Variants in LIPE observed in about 807,000 individuals in gnomAD.
The protein encoded by LIPE is hormone-sensitive lipase.
LIPE carries 66 observed loss-of-function variants against 88.5 expected under a neutral mutation model. That is an observed-to-expected ratio of 0.75 (90% CI 0.61 to 0.91). LIPE has a LOEUF of 0.91. LIPE is among the 40% of genes least tolerant of loss of function. The pLI, the probability that LIPE is intolerant of heterozygous loss-of-function variation, is 0.00. For missense variants in LIPE, 1,346 were observed against 1,434.7 expected (o/e 0.94, Z 1.00); for synonymous variants, 570 against 617.5 (o/e 0.92, Z 1.14).
chr19:42,403,027 C>T lies in LIPE; in HGVS notation c.2547G>A (p.Pro849=), dbSNP rs188642115. The T allele has an allele frequency of 6.5e-6, 10 of 1,549,738 alleles. No individual in the cohort carries two copies. Among genetic ancestry groups the T allele is most frequent in the Non-Finnish European group, 8.7e-6 (10 of 1,148,948 alleles). The change falls in exon 9 of 10, where the codon CCG becomes CCA. Residue 849 remains proline (P), a synonymous_variant. Coordinates refer to ENST00000244289, the MANE Select transcript of LIPE (RefSeq NM_005357.4). ...CTGCTTCAGACACACTGCGGCGCAT[C>T]GGCTCTGAGAGAGGGAGAGCAGATA... ...SQKMSEPIAE[P]MRRSVSEAAL... is the part of the protein sequence containing the mutation.
chr19:42,411,295 C>T (rs1280007029), intron 1 of LIPE: 2 of 984,900 alleles, frequency 2.0e-6, no homozygotes, highest in Admixed American at 1.2e-4. Flanking sequence ...GGCTGCCGGT[C>T]CTTCTTTCTT....
At chr19:42,416,504 G>A (rs2040490705) in intron 1 of LIPE, among the ~76,000 whole-genome samples, 1 of 152,248 alleles carries the variant, frequency 6.6e-6, no homozygotes, top group African/African-American at 2.4e-5. Context: ...TGCCATCCAG[G>A]ACTTTCCTAG....
In LIPE at chr19:42,407,285, C is replaced by A. The variant is rs1434397516; in HGVS notation, c.2026G>T (p.Ala676Ser). The change falls in exon 6 of 10, where the codon GCC (alanine) becomes TCC (serine). Residue 676 changes from alanine (A) to serine (S), a missense_variant. By Grantham distance (99) the Ala-to-Ser change is moderately conservative (BLOSUM62 1). Transcript: ENST00000244289. This position sits in a 1 kb window ranked among gnomAD's most constrained non-coding sequence, Gnocchi z 5.8. ...GAGTAGTCGATGGAGATGATGGGGG[C>A]GCCCAGCTCCTGGGCCCAGCTCTTG... ...YLKSWAQELGAPIISIDYSLA... is the reference protein window; with the variant it reads ...YLKSWAQELGSPIISIDYSLA... 3.7e-6 allele frequency: 6 copies of A among 1,608,352 alleles called. No homozygotes were observed. Among genetic ancestry groups the A allele is most frequent in the Non-Finnish European group, 4.2e-6 (5 of 1,177,660 alleles).
rs2040359907 is a variant in LIPE at position 42,410,985 on chromosome 19, A to C, written c.884-143T>G. On this transcript the variant is annotated intron_variant, in intron 1 of 9. Coordinates refer to ENST00000244289, the MANE Select transcript of LIPE (RefSeq NM_005357.4). This position sits in a 1 kb window ranked among gnomAD's most constrained non-coding sequence, Gnocchi z 6.1. ...TTCAGTTCCAGGGGCCCAGGACCCC[A>C]GGTTCCTCCTCCCTTAGACATAAGA... The C allele has an allele frequency of 1.2e-6, 1 of 843,190 alleles. No homozygotes were observed. The highest frequency in any genetic ancestry group is 2.5e-5 in the East Asian group (1 of 39,390). 52.2% of individuals were successfully genotyped at this position (843,190 alleles called of 1,614,324 possible).
chr19:42,426,914 TG>T lies in LIPE; in HGVS notation c.235del (p.Gln79LysfsTer41), dbSNP rs770707778. 5.0e-6 allele frequency: 8 copies of T among 1,614,028 alleles called. No homozygotes were observed. Among genetic ancestry groups the T allele is most frequent in the Non-Finnish European group, 6.8e-6 (8 of 1,180,026 alleles). On this transcript the variant is annotated frameshift_variant, in exon 1 of 10. Transcript: ENST00000244289. LOFTEE classifies it high-confidence loss of function. ...AESQKEPRAQ[Q>X]KSASQEEFLA... ...AAATTCCTCTTGTGAAGCAGATTTT[TG>T]TTGGGCTCTAGGTTCCTTCTGGGAT...
At chr19:42,416,170 C>T (rs759589038) in intron 1 of LIPE, among the ~76,000 whole-genome samples, 1 of 151,974 alleles carries the variant, frequency 6.6e-6, no homozygotes, top group Admixed American at 6.5e-5. Flanking sequence ...TGGAGAAACC[C>T]CATCTCAACT....
intron 8 of LIPE, 21 bp downstream of exon 8, chr19:42,405,364 T>A (rs1333422258): frequency 1.2e-6 from 2 of 1,609,704 alleles, no homozygotes; most frequent in Admixed American, 3.3e-5. Flanking sequence ...GCTGGGCATG[T>A]GACGGGAGTG....
Position 42,408,369 on chromosome 19 carries a change from G to A in LIPE, c.1420-47C>T. The A allele has an allele frequency of 9.3e-6, 14 of 1,505,614 alleles. No homozygotes were observed. Among genetic ancestry groups the A allele is most frequent in the Non-Finnish European group, 1.3e-5 (14 of 1,082,066 alleles). 93.3% of individuals were successfully genotyped at this position (1,505,614 alleles called of 1,614,324 possible). ...TCACCCACCGCTCAAGAGAGGGATG[G>A]GGACAGGGCAGGAGCGAGGCACAGG... On this transcript the variant is annotated intron_variant, in intron 2 of 9. Coordinates refer to ENST00000244289, the MANE Select transcript of LIPE (RefSeq NM_005357.4). This position sits in a 1 kb window ranked among gnomAD's most constrained non-coding sequence, Gnocchi z 4.3.
intron 1 of LIPE, among the ~76,000 whole-genome samples, chr19:42,411,528 C>T (rs2147631796): frequency 6.6e-6 from 1 of 152,330 alleles, no homozygotes; most frequent in Admixed American, 6.5e-5. Flanking sequence ...CCAGCCCTCC[C>T]ATTCCCATCT....
intron 9 of LIPE, 94 bp from the exon 10 acceptor site, chr19:42,402,169 C>A (rs1318110941): frequency 1.6e-6 from 2 of 1,219,906 alleles, no homozygotes; most frequent in African/African-American, 1.6e-5. Context: ...ACAAAGGGAG[C>A]GGGAAATACG....
chr19:42,426,785 T>G lies in LIPE; in HGVS notation c.365A>C (p.Glu122Ala), dbSNP rs2040715990. 1 of 1,613,978 alleles carries G rather than the reference T, an allele frequency of 6.2e-7. No homozygotes were observed. The highest frequency in any genetic ancestry group is 1.7e-5 in the Admixed American group (1 of 59,994). Residue 122 changes from glutamate (E) to alanine (A), a missense_variant, in exon 1 of 10, where the codon GAA (glutamate) becomes GCA (alanine). Coordinates refer to ENST00000244289, the MANE Select transcript of LIPE (RefSeq NM_005357.4). Reference protein sequence around the residue: ...ASQQGPGLGKESITQQEPALR... With the variant: ...ASQQGPGLGKASITQQEPALR... Reference sequence around the variant, plus strand: ...TGCTGGCTCCTGTTGAGTTATAGATTCTTTTCCTAGCCCAGGTCCCTGCTG... The same window carrying G: ...TGCTGGCTCCTGTTGAGTTATAGATGCTTTTCCTAGCCCAGGTCCCTGCTG...
rs764844025 is a variant in LIPE, at chr19:42,408,266, G to A, written c.1476C>T (p.Phe492=). The change falls in exon 3 of 10, where the codon TTC becomes TTT. Residue 492 remains phenylalanine (F), a synonymous_variant. Coordinates refer to ENST00000244289, the MANE Select transcript of LIPE (RefSeq NM_005357.4). The surrounding 1 kb of genome is among the most constrained non-coding windows in gnomAD (Gnocchi z 4.3). ...LQTISIGLVS[F]GEHYKRNETG... ...TCTCGTTGCGTTTGTAGTGCTCCCC[G>A]AAGGACACCAGCCCAATGGAGATGG... 36 of 1,613,982 alleles carry A rather than the reference G, an allele frequency of 2.2e-5. No homozygotes were observed. Among genetic ancestry groups the A allele is most frequent in the Middle Eastern group, 1.6e-4 (1 of 6,084 alleles).
intron 1 of LIPE, among the ~76,000 whole-genome samples, chr19:42,418,288 C>T: frequency 6.6e-6 from 1 of 152,024 alleles, no homozygotes; most frequent in Non-Finnish European, 1.5e-5. Context: ...TGGCCTGACC[C>T]CAATTTTGAA....
Position 42,426,650 on chromosome 19 carries a change from CT to C in LIPE, c.499del (p.Arg167GlyfsTer35), listed in dbSNP as rs746981000. ...AGATTCAGTCGGGGCAGATGGCTCC[CT>C]TTTGGCTCCAGGTTTAGCCTGGGCC... ...PAAQAKPGAKREPSAPTESTS... is the reference protein window; with the variant it reads ...PAAQAKPGAKXEPSAPTESTS... On this transcript the variant is annotated frameshift_variant, in exon 1 of 10. Transcript: ENST00000244289. LOFTEE classifies it high-confidence loss of function. The C allele has an allele frequency of 6.2e-7, 1 of 1,614,194 alleles. No individual in the cohort carries two copies. The highest frequency in any genetic ancestry group is 2.2e-5 in the East Asian group (1 of 44,874).
At position 42,407,240 on chromosome 19, in the gene LIPE, A is replaced by C. The variant is rs2040214580; in HGVS notation, c.2071T>G (p.Phe691Val). Residue 691 changes from phenylalanine to valine, a missense_variant, in exon 6 of 10, where the codon TTC becomes GTC. Coordinates refer to ENST00000244289, the MANE Select transcript of LIPE (RefSeq NM_005357.4). The surrounding 1 kb of genome is among the most constrained non-coding windows in gnomAD (Gnocchi z 5.8). ...IDYSLAPEAP[F>V]PRALEECFFA... is the part of the protein sequence containing the mutation. ...AAGCACTCCTCCAGCGCACGGGGGA[A>C]GGGGGCCTCAGGGGCCAGGGAGTAG... The C allele has an allele frequency of 8.8e-6, 14 of 1,585,304 alleles. No homozygotes were observed. The highest frequency in any genetic ancestry group is 1.2e-5 in the Non-Finnish European group (14 of 1,165,816).
At position 42,410,807 on chromosome 19, in the gene LIPE, T is replaced by C. The variant is rs779477556; in HGVS notation, c.919A>G (p.Met307Val). Reference protein sequence around the residue: ...RLIHNMDLRTMTQSLVTLAED... With the variant: ...RLIHNMDLRTVTQSLVTLAED... Reference sequence around the variant, plus strand: ...GCCAGAGTCACCAGCGACTGTGTCATTGTGCGCAGGTCCATGTTGTGGATG... The same window carrying C: ...GCCAGAGTCACCAGCGACTGTGTCACTGTGCGCAGGTCCATGTTGTGGATG... Residue 307 changes from methionine (M) to valine (V), a missense_variant, in exon 2 of 10, where the codon ATG (methionine) becomes GTG (valine). Transcript: ENST00000244289. This position sits in a 1 kb window ranked among gnomAD's most constrained non-coding sequence, Gnocchi z 6.1. The C allele has an allele frequency of 6.3e-7, 1 of 1,585,120 alleles. No individual in the cohort carries two copies. Among genetic ancestry groups the C allele is most frequent in the Non-Finnish European group, 8.6e-7 (1 of 1,162,906 alleles).
chr19:42,420,626 T>C (rs1568611909), intron 1 of LIPE, among the ~76,000 whole-genome samples: 1 of 151,884 alleles, frequency 6.6e-6, no homozygotes, highest in African/African-American at 2.4e-5. Context: ...TCCTGCCCAC[T>C]ATGCCTACTA....
intron 1 of LIPE, among the ~76,000 whole-genome samples, chr19:42,421,889 G>A (rs979569667): frequency 6.6e-6 from 1 of 152,256 alleles, no homozygotes; most frequent in Non-Finnish European, 1.5e-5. Flanking sequence ...TTCAGGAAAT[G>A]ACAGGCAAAT....
At chr19:42,419,936 C>G (rs1600142381) in intron 1 of LIPE, among the ~76,000 whole-genome samples, 1 of 151,808 alleles carries the variant, frequency 6.6e-6, no homozygotes, top group East Asian at 1.9e-4. Flanking sequence ...GCTGTGTTGC[C>G]TAGACTGGTC....
Sources: allele counts gnomAD v4.1 joint callset (sites outside exome capture counted in the v4.1 genomes callset), GRCh38; gene constraint gnomAD v4.1.1; non-coding constraint Gnocchi (gnomAD v3.1); transcripts MANE v1.5; gene names NCBI Gene and HGNC (gene_info 2026-07-23, HGNC 2026-07-21).